Variants in SEMA6B observed in about 807,000 individuals in gnomAD.
SEMA6B encodes the protein semaphorin 6B.
A neutral mutation model predicts 78.6 loss-of-function variants in SEMA6B; 47 were observed. That is an observed-to-expected ratio of 0.60 (90% CI 0.47 to 0.76). SEMA6B has a LOEUF of 0.76. SEMA6B is among the 30% of genes least tolerant of loss of function. The pLI, the probability that SEMA6B is intolerant of heterozygous loss-of-function variation, is 0.00. For missense variants in SEMA6B, 1,213 were observed against 1,269.9 expected (o/e 0.96, Z 0.68); for synonymous variants, 632 against 592.2 (o/e 1.07, Z -0.98).
chr19:4,551,761 A>G (rs951730067), intron 10 of SEMA6B, among the ~76,000 whole-genome samples: 5 of 151,294 alleles, frequency 3.3e-5, no homozygotes, highest in African/African-American at 4.9e-5. Flanking sequence ...CCCAGGAGGC[A>G]GAGGTTGTGG....
Position 4,550,906 on chromosome 19 carries a change from G to C in SEMA6B, c.1014C>G (p.Ala338=), listed in dbSNP as rs533651845. 6.2e-7 allele frequency: 1 copy of C among 1,613,680 alleles called. No homozygotes were observed. The highest frequency in any genetic ancestry group is 1.1e-5 in the South Asian group (1 of 91,086). The change falls in exon 11 of 17, where the codon GCC becomes GCG. Residue 338 remains alanine (A), a synonymous_variant. Coordinates refer to ENST00000586582, the MANE Select transcript of SEMA6B (RefSeq NM_032108.4). This position sits in a 1 kb window ranked among gnomAD's most constrained non-coding sequence, Gnocchi z 6.6. ...CAGCTGCCACCTGTGTCAGGTCAAAGGCGCAGACAGCCGAGCCAGGGATGC... is the reference window on the plus strand; with the variant it reads ...CAGCTGCCACCTGTGTCAGGTCAAACGCGCAGACAGCCGAGCCAGGGATGC... The part of the protein sequence containing the change: ...SNSIPGSAVC[A]FDLTQVAAVF...
At chr19:4,554,521 G>T in intron 8 of SEMA6B, 45 bp from the exon 9 acceptor site, 1 of 1,443,334 alleles carries the variant, frequency 6.9e-7, no homozygotes. Flanking sequence ...ACATGACAAA[G>T]GGGGTTTCTG....
chr19:4,556,977 C>T lies in SEMA6B; in HGVS notation c.343G>A (p.Val115Met), dbSNP rs940279944. The T allele has an allele frequency of 1.2e-6, 2 of 1,613,180 alleles. No individual in the cohort carries two copies. Among genetic ancestry groups the T allele is most frequent in the African/African-American group, 1.3e-5 (1 of 74,812 alleles). The change falls in exon 5 of 17, where the codon GTG becomes ATG. Residue 115 changes from valine (V) to methionine (M), a missense_variant. Transcript: ENST00000586582. ...TWRSNPSDIN[V>M]CRMKGKQEGE... ...TCCTGTTTGCCCTTCATCCGACACA[C>T]GTTTATGTCGCTGGGGTTAGATCTC... is the stretch of plus-strand genomic sequence containing the variant.
Position 4,543,374 on chromosome 19 carries a change from T to TGGGGGGGGGGCCCCCCC in SEMA6B, c.*226_*227insGGGGGGGCCCCCCCCCC. Reference sequence around the variant, plus strand: ...CAACCTCAAATCCATAGCAAAGTCCTCCCGCCCACCCACCCCCAAACCGTC... The same window carrying TGGGGGGGGGGCCCCCCC: ...CAACCTCAAATCCATAGCAAAGTCCTGGGGGGGGGGCCCCCCCCCCGCCCACCCACCCCCAAACCGTC... On this transcript the variant is annotated 3_prime_UTR_variant, in exon 17 of 17. Coordinates refer to ENST00000586582, the MANE Select transcript of SEMA6B (RefSeq NM_032108.4). 2.8e-6 allele frequency: 1 copy of TGGGGGGGGGGCCCCCCC among 363,598 alleles called. No individual in the cohort carries two copies. The highest frequency in any genetic ancestry group is 4.8e-6 in the Non-Finnish European group (1 of 208,180). 22.5% of individuals were successfully genotyped at this position (363,598 alleles called of 1,614,324 possible).
rs375263661 is a variant in SEMA6B, at chr19:4,556,130, C to T, written c.370-41G>A. On this transcript the variant is annotated intron_variant, in intron 5 of 16. Transcript: ENST00000586582. The stretch of plus-strand genomic sequence containing the variant: ...GAGGAAGCGGGGAGCGCGATGTGGG[C>T]GTGGTCATGGTGATGGGCGTGGCCA... The T allele has an allele frequency of 3.4e-6, 5 of 1,453,096 alleles. No homozygotes were observed. In the African/African-American group the frequency reaches 5.6e-5, roughly 16 times the overall value. 90.0% of individuals were successfully genotyped at this position (1,453,096 alleles called of 1,614,324 possible).
At position 4,546,263 on chromosome 19, in the gene SEMA6B, T is replaced by G. The variant is rs201000725; in HGVS notation, c.1691A>C (p.Glu564Ala). Residue 564 changes from glutamate to alanine, a missense_variant, in exon 16 of 17, where the codon GAG (glutamate) becomes GCG (alanine). Glu to Ala is a moderately radical substitution (Grantham distance 107, BLOSUM62 -1). Transcript: ENST00000586582. ...GGTGCTGGCCCCGGACACGTCCTGC[T>G]CAAAGGCGGCTCTAATGGGGAGAGG... ...FLSPGTRAAF[E>A]QDVSGASTSG... 1.1e-5 allele frequency: 17 copies of G among 1,613,478 alleles called. No homozygotes were observed. In the East Asian group the frequency reaches 3.8e-4, roughly 36 times the overall value.
intron 5 of SEMA6B, 28 bp from the exon 6 acceptor site, chr19:4,556,117 A>C: frequency 6.5e-7 from 1 of 1,533,502 alleles, no homozygotes; most frequent in South Asian, 1.1e-5. Flanking sequence ...GGAAGCGGGG[A>C]GCGCGATGTG....
At position 4,557,025 on chromosome 19, in the gene SEMA6B, G is replaced by T. The variant is rs372811450; in HGVS notation, c.307-12C>A. ...CTCCAGGTCAGCTTCTGCAGACAGAGAGAGCTGGTGAGGGGGTAACGGGTC... is the reference window on the plus strand; with the variant it reads ...CTCCAGGTCAGCTTCTGCAGACAGATAGAGCTGGTGAGGGGGTAACGGGTC... On this transcript the variant is annotated splice_polypyrimidine_tract_variant and intron_variant, in intron 4 of 16. Coordinates refer to ENST00000586582, the MANE Select transcript of SEMA6B (RefSeq NM_032108.4). 5.6e-6 allele frequency: 9 copies of T among 1,611,788 alleles called. No individual in the cohort carries two copies. Among genetic ancestry groups the T allele is most frequent in the Non-Finnish European group, 6.8e-6 (8 of 1,178,898 alleles).
At position 4,555,496 on chromosome 19, in the gene SEMA6B, G is replaced by A. The variant is rs372425355; in HGVS notation, c.540C>T (p.His180=). ...TACCAGAGAAGAGGGCAACATTGGC[G>A]TGCTTGGGGTCGTACGGGCAGCGGG... ...GMARCPYDPK[H]ANVALFSDGM... The change falls in exon 7 of 17, where the codon CAC becomes CAT. Residue 180 remains histidine (H), a synonymous_variant. Transcript: ENST00000586582. The surrounding 1 kb of genome is among the most constrained non-coding windows in gnomAD (Gnocchi z 6.1). The A allele has an allele frequency of 1.1e-4, 173 of 1,613,152 alleles. 1 individual carries two copies. Among genetic ancestry groups the A allele is most frequent in the Middle Eastern group, 8.3e-4 (5 of 6,044 alleles).
chr19:4,542,651 G>A lies in SEMA6B; in HGVS notation c.*950C>T. The A allele has an allele frequency of 3.3e-6, 2 of 600,220 alleles. No homozygotes were observed. Among genetic ancestry groups the A allele is most frequent in the East Asian group, 3.0e-5 (1 of 33,530 alleles). 37.2% of individuals were successfully genotyped at this position (600,220 alleles called of 1,614,324 possible). ...GGCTGGGGGAGGCAAACTCCAGAGA[G>A]GGCAGAGGACCCAGCCAGCCACGTG... On this transcript the variant is annotated 3_prime_UTR_variant, in exon 17 of 17. Coordinates refer to ENST00000586582, the MANE Select transcript of SEMA6B (RefSeq NM_032108.4).
rs1445436160 is a variant in SEMA6B at position 4,552,149 on chromosome 19, A to G, written c.989+273T>C. 6.6e-6 allele frequency among the ~76,000 whole-genome samples: 1 copy of G among 151,914 alleles called. No individual in the cohort carries two copies. Among genetic ancestry groups the G allele is most frequent in the African/African-American group, 2.4e-5 (1 of 41,364 alleles). ...TCCCTCTTCCTCCATCTCACACCCA[A>G]AGTCCAGCTCCAATGTCCCCTCCTC... is the stretch of plus-strand genomic sequence containing the variant. On this transcript the variant is annotated intron_variant, in intron 10 of 16. Coordinates refer to ENST00000586582, the MANE Select transcript of SEMA6B (RefSeq NM_032108.4). This position sits in a 1 kb window ranked among gnomAD's most constrained non-coding sequence, Gnocchi z 7.4.
Position 4,546,624 on chromosome 19 carries a change from AT to A in SEMA6B, c.1602-156del, listed in dbSNP as rs571040577. 5.2e-3 allele frequency among the ~76,000 whole-genome samples: 796 copies of A among 151,798 alleles called. 4 individuals carry two copies. The highest frequency in any genetic ancestry group is 0.01 in the Middle Eastern group (3 of 294). ...AGACGGAATTTCGCTCTTGTTGTTTATTTATTTAGTTATTTTTGAGATGGAA... is the reference window on the plus strand; with the variant it reads ...AGACGGAATTTCGCTCTTGTTGTTTATTATTTAGTTATTTTTGAGATGGAA... On this transcript the variant is annotated intron_variant, in intron 14 of 16. Coordinates refer to ENST00000586582, the MANE Select transcript of SEMA6B (RefSeq NM_032108.4).
Position 4,548,573 on chromosome 19 carries a change from C to CGT in SEMA6B, c.1272-130_1272-129dup, listed in dbSNP as rs1330047086. The CGT allele has an allele frequency of 1.7e-4, 141 of 850,054 alleles. 1 individual carries two copies. In the East Asian group the frequency reaches 3.7e-3, roughly 22 times the overall value. 52.7% of individuals were successfully genotyped at this position (850,054 alleles called of 1,614,324 possible). ...CCAACACATGTGACAGCAATAAATG[C>CGT]GTGTGTGCATGGATGCCGGGGACAT... On this transcript the variant is annotated intron_variant, in intron 12 of 16. Transcript: ENST00000586582.
intron 16 of SEMA6B, 61 bp downstream of exon 16, chr19:4,546,155 C>T (rs1403733995): frequency 7.4e-6 from 11 of 1,490,948 alleles, no homozygotes; most frequent in Non-Finnish European, 8.1e-6. Flanking sequence ...CCAGCCTCCT[C>T]CCTCCCCTCC....
chr19:4,553,625 AGGAT>A (rs564545880), intron 9 of SEMA6B, among the ~76,000 whole-genome samples: 64 of 135,438 alleles, frequency 4.7e-4, no homozygotes, highest in South Asian at 1.6e-3. Context: ...GGATAGATGA[AGGAT>A]GGATGGATGG....
Position 4,543,705 on chromosome 19 carries a change from G to A in SEMA6B, c.2563C>T (p.Arg855Trp), listed in dbSNP as rs1397787620. 7 of 1,229,624 alleles carry A rather than the reference G, an allele frequency of 5.7e-6. No individual in the cohort carries two copies. The highest frequency in any genetic ancestry group is 8.5e-5 in the Admixed American group (2 of 23,610). The allele number at this position is 1,229,624 out of a possible 1,614,324, so 76.2% of individuals were successfully genotyped here. A position where few individuals can be genotyped will look rare whatever the true frequency, so the allele number is the denominator to read the frequency against. ...RTHTFNSGEA[R>W]PGDRHRGCHA... ...CAGCCGCGGTGGCGGTCCCCAGGCC[G>A]GGCCTCGCCGCTGTTGAACGTGTGG... Residue 855 changes from arginine (R) to tryptophan (W), a missense_variant, in exon 17 of 17, where the codon CGG (arginine) becomes TGG (tryptophan). Coordinates refer to ENST00000586582, the MANE Select transcript of SEMA6B (RefSeq NM_032108.4).
chr19:4,544,582 T>C lies in SEMA6B; in HGVS notation c.1739-53A>G. The C allele has an allele frequency of 2.5e-6, 3 of 1,205,818 alleles. No individual in the cohort carries two copies. Among genetic ancestry groups the C allele is most frequent in the South Asian group, 3.6e-5 (2 of 55,036 alleles). 74.7% of individuals were successfully genotyped at this position (1,205,818 alleles called of 1,614,324 possible). A position where few individuals can be genotyped will look rare whatever the true frequency, so the allele number is the denominator to read the frequency against. ...GGGGCCGGCGGGGTGGCCCTGGGCATCCCTCCTACCTCCTCGGGGCCCTCT... is the reference window on the plus strand; with the variant it reads ...GGGGCCGGCGGGGTGGCCCTGGGCACCCCTCCTACCTCCTCGGGGCCCTCT... On this transcript the variant is annotated intron_variant, in intron 16 of 16. Coordinates refer to ENST00000586582, the MANE Select transcript of SEMA6B (RefSeq NM_032108.4). The surrounding 1 kb of genome is among the most constrained non-coding windows in gnomAD (Gnocchi z 5.1).
chr19:4,543,682 G>A lies in SEMA6B; in HGVS notation c.2586C>T (p.Gly862=). 2 of 1,230,518 alleles carry A rather than the reference G, an allele frequency of 1.6e-6. No individual in the cohort carries two copies. The highest frequency in any genetic ancestry group is 2.0e-6 in the Non-Finnish European group (2 of 987,088). The allele number at this position is 1,230,518 out of a possible 1,614,324, so 76.2% of individuals were successfully genotyped here. Residue 862 remains glycine (G), a synonymous_variant, in exon 17 of 17, where the codon GGC becomes GGT. Coordinates refer to ENST00000586582, the MANE Select transcript of SEMA6B (RefSeq NM_032108.4). ...GEARPGDRHR[G]CHARPGTDLA... ...AGTCTGTGCCCGGCCGGGCGTGGCA[G>A]CCGCGGTGGCGGTCCCCAGGCCGGG...
At position 4,548,345 on chromosome 19, in the gene SEMA6B, G is replaced by T; in HGVS notation, c.1372C>A (p.Leu458Ile). ...GAGGTGCTGGCATTGGGCCGGACGAGGAACTTGAGGACCGTCCCCGCCTCA... is the reference window on the plus strand; with the variant it reads ...GAGGTGCTGGCATTGGGCCGGACGATGAACTTGAGGACCGTCCCCGCCTCA... ...GSEAGTVLKF[L>I]VRPNASTSGT... Residue 458 changes from leucine (L) to isoleucine (I), a missense_variant, in exon 13 of 17, where the codon CTC (leucine) becomes ATC (isoleucine). Transcript: ENST00000586582. 6.2e-7 allele frequency: 1 copy of T among 1,613,920 alleles called. No individual in the cohort carries two copies. The highest frequency in any genetic ancestry group is 8.5e-7 in the Non-Finnish European group (1 of 1,180,024).
Sources: gnomAD v4.1 joint callset for allele counts (sites outside exome capture counted in the v4.1 genomes callset) on GRCh38, gnomAD v4.1.1 for gene constraint, Gnocchi (gnomAD v3.1) non-coding constraint, MANE v1.5 for transcripts, NCBI Gene and HGNC (gene_info 2026-07-23, HGNC 2026-07-21) for gene names.